ITGA2: variants seen among roughly 807,000 people sequenced by gnomAD.
ITGA2 encodes integrin subunit alpha 2.
ITGA2 carries 101 observed loss-of-function variants against 146.3 expected under a neutral mutation model. That is an observed-to-expected ratio of 0.69 (90% CI 0.59 to 0.81). The LOEUF (loss-of-function observed/expected upper bound fraction) is 0.81. Ranked by LOEUF, ITGA2 falls within the 40% of genes least tolerant of loss-of-function variation. The probability of loss-of-function intolerance (pLI) is 0.00; values close to 1 mark genes in which losing one functional copy is unlikely to be tolerated. For missense variants in ITGA2, 1,281 were observed against 1,402.7 expected (o/e 0.91, Z 1.39); for synonymous variants, 477 against 487.1 (o/e 0.98, Z 0.27).
At chr5:53,062,527 C>A (rs1382091147) in intron 12 of ITGA2, among the ~76,000 whole-genome samples, 1 of 151,860 alleles carries the variant, frequency 6.6e-6, no homozygotes, top group African/African-American at 2.4e-5. Flanking sequence ...TTCAGAATCT[C>A]TAGAAATGGG....
chr5:53,014,645 A>G (rs1031142501), intron 1 of ITGA2, among the ~76,000 whole-genome samples: 5 of 152,062 alleles, frequency 3.3e-5, no homozygotes, highest in Admixed American at 6.6e-5. Flanking sequence ...CTCCTCCTCA[A>G]TTTTTTGGAA....
intron 17 of ITGA2, among the ~76,000 whole-genome samples, chr5:53,071,593 C>A (rs976905620): frequency 6.6e-6 from 1 of 151,770 alleles, no homozygotes; most frequent in Admixed American, 6.6e-5. Context: ...ACCAAGATAC[C>A]GCTTCTGAGG....
chr5:53,089,684 T>G (rs1284824739), intron 28 of ITGA2, among the ~76,000 whole-genome samples: 3 of 152,352 alleles, frequency 2.0e-5, no homozygotes, highest in African/African-American at 7.2e-5. Context: ...CATCTGAGAT[T>G]GTCAGGCATG....
At chr5:53,059,702 G>T (rs933295040) in intron 10 of ITGA2, among the ~76,000 whole-genome samples, 172 bp from the exon 11 acceptor site, 2 of 151,872 alleles carry the variant, frequency 1.3e-5, no homozygotes, top group Non-Finnish European at 2.9e-5. Flanking sequence ...GGGAAGGCTT[G>T]TTCTCTAGCA....
intron 23 of ITGA2, among the ~76,000 whole-genome samples, chr5:53,077,774 A>G (rs1745728090): frequency 6.6e-6 from 1 of 152,110 alleles, no homozygotes; most frequent in South Asian, 2.1e-4. Flanking sequence ...TCATTAAGGC[A>G]TAAAAGAGGG....
At chr5:53,015,331 C>G (rs1742350569) in intron 1 of ITGA2, among the ~76,000 whole-genome samples, 2 of 152,122 alleles carry the variant, frequency 1.3e-5, no homozygotes, top group Admixed American at 1.3e-4. Context: ...TTCTTGACTT[C>G]TACCTTAATT....
At chr5:53,070,314 G>A in intron 17 of ITGA2, 54 bp downstream of exon 17, 2 of 1,583,264 alleles carry the variant, frequency 1.3e-6, no homozygotes, top group Non-Finnish European at 1.7e-6. Flanking sequence ...AGACGAGAGA[G>A]TGGTAAAAGT....
At chr5:53,036,689 G>T (rs1430119700) in intron 2 of ITGA2, among the ~76,000 whole-genome samples, 1 of 152,060 alleles carries the variant, frequency 6.6e-6, no homozygotes, top group Non-Finnish European at 1.5e-5. Flanking sequence ...CCACTATATG[G>T]TTTACTTACT....
intron 6 of ITGA2, among the ~76,000 whole-genome samples, chr5:53,049,205 T>G (rs2075614): frequency 0.2 from 29,898 of 151,500 alleles, 3,421 homozygotes; most frequent in South Asian, 0.28. Context: ...AGAAACAGGA[T>G]TTCACCATGT....
intron 29 of ITGA2, 90 bp from the exon 30 acceptor site, chr5:53,090,429 G>GC (rs2112052664): frequency 1.0e-6 from 1 of 996,842 alleles, no homozygotes; most frequent in South Asian, 1.3e-5. Flanking sequence ...TCCCAGAGGT[G>GC]CATCAGAGGA....
At chr5:53,014,281 C>T (rs1353639157) in intron 1 of ITGA2, among the ~76,000 whole-genome samples, 6 of 151,962 alleles carry the variant, frequency 3.9e-5, no homozygotes, top group African/African-American at 1.5e-4. Context: ...TTCTTCAGTG[C>T]CTAATTTGTT....
chr5:53,075,456 A>T (rs1745619693), intron 23 of ITGA2, 152 bp downstream of exon 23: 1 of 717,242 alleles, frequency 1.4e-6, no homozygotes, highest in African/African-American at 1.8e-5. Flanking sequence ...GTCCACAGAC[A>T]TATTGGTCCC....
chr5:53,059,756 T>C, intron 10 of ITGA2, 118 bp from the exon 11 acceptor site: 1 of 933,362 alleles, frequency 1.1e-6, no homozygotes, highest in Non-Finnish European at 1.7e-6. Context: ...TATATGTTCA[T>C]ATATATTTCA....
intron 1 of ITGA2, among the ~76,000 whole-genome samples, chr5:53,010,775 T>C (rs1742084994): frequency 6.6e-6 from 1 of 152,204 alleles, no homozygotes; most frequent in Non-Finnish European, 1.5e-5. Context: ...CAAAAAGATA[T>C]GTCCATGTCT....
At chr5:53,016,873 C>G (rs1742423072) in intron 1 of ITGA2, among the ~76,000 whole-genome samples, 2 of 152,018 alleles carry the variant, frequency 1.3e-5, no homozygotes, top group African/African-American at 4.8e-5. Flanking sequence ...TTGGTCTATT[C>G]TGCTGTTAAT....
At chr5:53,039,515 G>A (rs968911233) in intron 2 of ITGA2, among the ~76,000 whole-genome samples, 17 of 151,584 alleles carry the variant, frequency 1.1e-4, no homozygotes, top group African/African-American at 2.4e-4. Flanking sequence ...AGGTGGAGGC[G>A]GGCGGATCAC....
chr5:53,001,875 C>G (rs1430959615), intron 1 of ITGA2, among the ~76,000 whole-genome samples: 1 of 146,620 alleles, frequency 6.8e-6, no homozygotes, highest in African/African-American at 2.5e-5. Context: ...CTCTGAACTT[C>G]TTTCTTCACC....
At chr5:53,004,921 T>G (rs1741760599) in intron 1 of ITGA2, among the ~76,000 whole-genome samples, 2 of 53,038 alleles carry the variant, frequency 3.8e-5, no homozygotes, top group Admixed American at 4.6e-4. Flanking sequence ...TTTTTTTTTT[T>G]TTTTTTTTTT....
intron 1 of ITGA2, among the ~76,000 whole-genome samples, chr5:52,990,450 T>C (rs889311930): frequency 2.5e-4 from 38 of 152,140 alleles, no homozygotes; most frequent in African/African-American, 8.9e-4. Flanking sequence ...TAGAGTGTGG[T>C]CAAATTTAAG....
Sources: allele counts gnomAD v4.1 joint callset (sites outside exome capture counted in the v4.1 genomes callset), GRCh38; gene constraint gnomAD v4.1.1; transcripts MANE v1.5; gene names NCBI Gene and HGNC (gene_info 2026-07-23, HGNC 2026-07-21).